RBPJ: variants seen among roughly 807,000 people sequenced by gnomAD.
RBPJ encodes the protein recombination signal binding protein for immunoglobulin kappa J region.
Under a neutral mutation model 67.8 loss-of-function variants are expected in RBPJ, and 9 were observed. That is an observed-to-expected ratio of 0.13 (90% CI 0.08 to 0.23). RBPJ has a LOEUF of 0.23. RBPJ is among the 10% of genes least tolerant of loss of function. The pLI, the probability that RBPJ is intolerant of heterozygous loss-of-function variation, is 1.00. For synonymous variants in RBPJ, 198 were observed against 203.3 expected (o/e 0.97, Z 0.22); for missense variants, 305 against 595.6 (o/e 0.51, Z 5.08).
chr4:26,305,198 G>T (rs1218492847), intron 1 of RBPJ, among the ~76,000 whole-genome samples: 2 of 152,208 alleles, frequency 1.3e-5, no homozygotes, highest in African/African-American at 4.8e-5. Flanking sequence ...TGATCTGTAA[G>T]TCTGTCCTTA....
At chr4:26,213,267 G>A (rs908740681) in intron 1 of RBPJ, among the ~76,000 whole-genome samples, 1 of 152,108 alleles carries the variant, frequency 6.6e-6, no homozygotes, top group Non-Finnish European at 1.5e-5. Flanking sequence ...ACAACCAACT[G>A]GTGTCTGCTG....
chr4:26,223,680 T>C (rs1461377117), intron 1 of RBPJ, among the ~76,000 whole-genome samples: 1 of 152,162 alleles, frequency 6.6e-6, no homozygotes, highest in African/African-American at 2.4e-5. Flanking sequence ...AGGTTGGCCC[T>C]ATAGGAGGCA....
intron 2 of RBPJ, among the ~76,000 whole-genome samples, chr4:26,397,966 A>G (rs139994400): frequency 3.7e-4 from 56 of 152,106 alleles, no homozygotes; most frequent in African/African-American, 1.3e-3. Flanking sequence ...AGGCATGCTT[A>G]GCTCCTAGGG....
intron 1 of RBPJ, among the ~76,000 whole-genome samples, chr4:26,279,785 CTTTTTTTT>C (rs1026614295): frequency 1.7e-5 from 2 of 116,694 alleles, no homozygotes; most frequent in Non-Finnish European, 3.5e-5. Flanking sequence ...TTGAAATTGT[CTTTTTTTT>C]TTTTTTTTTT....
At chr4:26,129,856 ATTTATT>A in the RBPJ span, among the ~76,000 whole-genome samples, 18 of 151,812 alleles carry the variant, frequency 1.2e-4, no homozygotes, top group African/African-American at 4.1e-4. Flanking sequence ...AGAGAGATTA[ATTTATT>A]TTTATTTTTA....
At chr4:26,267,277 G>C (rs1000275298) in intron 1 of RBPJ, among the ~76,000 whole-genome samples, 5 of 152,150 alleles carry the variant, frequency 3.3e-5, no homozygotes, top group Non-Finnish European at 5.9e-5. Flanking sequence ...GACAAGGCTT[G>C]ACTACAGTCC....
the RBPJ span, among the ~76,000 whole-genome samples, chr4:26,156,162 A>G: frequency 6.6e-6 from 1 of 152,208 alleles, no homozygotes; most frequent in Non-Finnish European, 1.5e-5. Flanking sequence ...GAGGTATTGT[A>G]TAAAAATACC....
rs567143985 is a variant in RBPJ, at chr4:26,433,034, G to A, written c.*2027G>A. 5.3e-5 allele frequency: 8 copies of A among 152,158 alleles called. No individual in the cohort carries two copies. The highest frequency in any genetic ancestry group is 3.9e-4 in the East Asian group (2 of 5,180). 9.4% of individuals were successfully genotyped at this position (152,158 alleles called of 1,614,324 possible). ...GTTAGGTGGTTAAATCAGTTATTGC[G>A]GTTTTCTCTTACTGCAAGCCTTTTT... is the stretch of plus-strand genomic sequence containing the variant. On this transcript the variant is annotated 3_prime_UTR_variant, in exon 11 of 11. Coordinates refer to ENST00000355476, the MANE Select transcript of RBPJ (RefSeq NM_015874.6).
intron 1 of RBPJ, among the ~76,000 whole-genome samples, chr4:26,234,054 G>C (rs1017874530): frequency 5.3e-5 from 8 of 152,150 alleles, no homozygotes; most frequent in Non-Finnish European, 1.2e-4. Flanking sequence ...AACTATAGGG[G>C]CTTCCTGTTT....
intron 1 of RBPJ, among the ~76,000 whole-genome samples, chr4:26,305,013 T>A (rs1455237143): frequency 6.6e-6 from 1 of 152,182 alleles, no homozygotes; most frequent in African/African-American, 2.4e-5. Context: ...GGTAATTTTT[T>A]AATATGTTGT....
At chr4:26,145,034 T>C in the RBPJ span, among the ~76,000 whole-genome samples, 24 of 151,870 alleles carry the variant, frequency 1.6e-4, no homozygotes, top group Admixed American at 2.6e-4. Context: ...TCTTCTTTTT[T>C]TTTTTTTTTT....
intron 1 of RBPJ, among the ~76,000 whole-genome samples, chr4:26,227,317 T>C (rs1719109224): frequency 6.6e-6 from 1 of 152,240 alleles, no homozygotes; most frequent in Non-Finnish European, 1.5e-5. Flanking sequence ...CAGCTCTGCC[T>C]CATCCTGGCT....
chr4:26,237,435 C>A (rs111501443), intron 1 of RBPJ, among the ~76,000 whole-genome samples: 1 of 151,888 alleles, frequency 6.6e-6, no homozygotes, highest in Non-Finnish European at 1.5e-5. Flanking sequence ...ATATTTTGCA[C>A]GGTGTTAAAG....
At position 26,209,580 on chromosome 4, in the gene RBPJ, T is replaced by TCTCCCCCTCCCTTCCTCCTTCC. The variant is rs1491286492; in HGVS notation, c.-167+45966_-167+45967insCTCCCCCTCCCTTCCTCCTTCC. Among the ~76,000 whole-genome samples the TCTCCCCCTCCCTTCCTCCTTCC allele has an allele frequency of 6.4e-4, 86 of 134,160 alleles. 15 individuals carry two copies. The highest frequency in any genetic ancestry group is 8.8e-4 in the Non-Finnish European group (54 of 61,388). 88.0% of individuals were successfully genotyped at this position (134,160 alleles called of 152,430 possible). ...CTGTCTCCCTCCCTTCCTCCTTCCC[T>TCTCCCCCTCCCTTCCTCCTTCC]GTCTCCCTCCCTTCCTCCTTCCCTC... is the stretch of plus-strand genomic sequence containing the variant. On this transcript the variant is annotated intron_variant, in intron 1 of 4. Transcript: ENST00000512351.
the RBPJ span, among the ~76,000 whole-genome samples, chr4:26,137,384 C>T: frequency 9.2e-5 from 14 of 152,282 alleles, no homozygotes; most frequent in East Asian, 5.8e-4. Context: ...CTGAACTGTC[C>T]GTGTGTAGGC....
the RBPJ span, among the ~76,000 whole-genome samples, chr4:26,109,607 TGTGCCTGTCCACCTTC>T: frequency 2.3e-5 from 1 of 42,978 alleles, no homozygotes; most frequent in African/African-American, 1.2e-4. Flanking sequence ...ATACAGCCAC[TGTGCCTGTCCACCTTC>T]CTCTCTCTCT....
rs891839128 is a variant in RBPJ, at chr4:26,359,376, T to G, written c.21-26977T>G. Among the ~76,000 whole-genome samples, 8 of 151,586 alleles carry G rather than the reference T, an allele frequency of 5.3e-5. No individual in the cohort carries two copies. The South Asian group carries it at 1.7e-3, about 32-fold the overall frequency. ...TGGAAAGAAATACCCAAACCTTTCCTAATAATCAGTATTGCAATGACCATT... is the reference window on the plus strand; with the variant it reads ...TGGAAAGAAATACCCAAACCTTTCCGAATAATCAGTATTGCAATGACCATT... On this transcript the variant is annotated intron_variant, in intron 1 of 10. Coordinates refer to ENST00000355476, the MANE Select transcript of RBPJ (RefSeq NM_015874.6).
chr4:26,315,897 C>T (rs1722593763), upstream of RBPJ, among the ~76,000 whole-genome samples: 1 of 152,074 alleles, frequency 6.6e-6, no homozygotes. Flanking sequence ...AGGCTCTCTG[C>T]AAGAAGAAAA....
chr4:26,424,491 A>C lies in RBPJ; in HGVS notation c.634+12A>C, dbSNP rs756778516. 4.3e-6 allele frequency: 7 copies of C among 1,612,542 alleles called. No individual in the cohort carries two copies. The African/African-American group carries it at 9.4e-5, about 22-fold the overall frequency. On this transcript the variant is annotated intron_variant, in intron 6 of 10. Coordinates refer to ENST00000355476, the MANE Select transcript of RBPJ (RefSeq NM_015874.6). This position sits in a 1 kb window ranked among gnomAD's most constrained non-coding sequence, Gnocchi z 5.3. ...TTTTATTCATCTCTGTGAGTATAAA[A>C]GTGTGCATTTAATGTTTTTAGTGTG...
Sources: allele counts gnomAD v4.1 joint callset (sites outside exome capture counted in the v4.1 genomes callset), GRCh38; gene constraint gnomAD v4.1.1; non-coding constraint Gnocchi (gnomAD v3.1); transcripts MANE v1.5; gene names NCBI Gene and HGNC (gene_info 2026-07-23, HGNC 2026-07-21).